Variants in PRH1 observed in about 807,000 individuals in gnomAD.
PRH1 encodes proline rich protein HaeIII subfamily 1, also known as salivary acidic proline-rich phosphoprotein 1/2.
Under a neutral mutation model 7.9 loss-of-function variants are expected in PRH1, and 7 were observed. The ratio of observed to expected loss-of-function variants is 0.89; its 90% CI spans 0.50 to 1.67. The LOEUF (loss-of-function observed/expected upper bound fraction) is 1.67, where lower values mean the gene tolerates loss of function less well. Ranked by LOEUF, PRH1 falls within the 40% of genes most tolerant of loss-of-function variation. The pLI, the probability that PRH1 is intolerant of heterozygous loss-of-function variation, is 0.00. For synonymous variants in PRH1, 45 were observed against 80.8 expected, an observed-to-expected ratio of 0.56 and a Z score of 2.38; for missense variants, 109 against 223.6, an observed-to-expected ratio of 0.49 and a Z score of 3.27.
chr12:11,130,589 G>A (rs1315676705), intron 1 of PRH1, among the ~76,000 whole-genome samples: 1 of 152,244 alleles, frequency 6.6e-6, no homozygotes, highest in African/African-American at 2.4e-5. Context: ...TGTGCCAGAT[G>A]ATCCAGCGGA....
At chr12:10,943,898 C>T (rs1302744989) in intron 2 of PRH1, among the ~76,000 whole-genome samples, 1 of 152,088 alleles carries the variant, frequency 6.6e-6, no homozygotes, top group Non-Finnish European at 1.5e-5. Context: ...GGCCTTATTT[C>T]TGGGATCTCT....
At chr12:11,056,216 C>A (rs73053031) in intron 1 of PRH1, among the ~76,000 whole-genome samples, 6,508 of 91,118 alleles carry the variant, frequency 0.071, no homozygotes, top group Non-Finnish European at 0.1. Flanking sequence ...AAATACTCAG[C>A]AATTTTATAA....
chr12:11,105,759 G>C (rs940088214), intron 1 of PRH1, among the ~76,000 whole-genome samples: 1 of 152,064 alleles, frequency 6.6e-6, no homozygotes, highest in African/African-American at 2.4e-5. Flanking sequence ...ACCTGGTAAA[G>C]GGAGCTTGGA....
At chr12:11,164,396 T>C (rs563494658) in intron 1 of PRH1, among the ~76,000 whole-genome samples, 80 of 152,328 alleles carry the variant, frequency 5.3e-4, no homozygotes, top group African/African-American at 1.9e-3. Context: ...ATCATGGGAC[T>C]TCTCAGCCTC....
chr12:11,108,449 C>T (rs1481214497), intron 1 of PRH1, among the ~76,000 whole-genome samples: 1 of 152,178 alleles, frequency 6.6e-6, no homozygotes, highest in Non-Finnish European at 1.5e-5. Flanking sequence ...GTGATTTCTG[C>T]ATTTCCAACT....
intron 1 of PRH1, among the ~76,000 whole-genome samples, chr12:11,065,809 G>T (rs527693633): frequency 1.3e-5 from 2 of 152,264 alleles, no homozygotes; most frequent in South Asian, 4.1e-4. Flanking sequence ...TAAAATTATG[G>T]TCTACGCATT....
intron 2 of PRH1, among the ~76,000 whole-genome samples, chr12:10,958,999 A>G (rs1294635113): frequency 6.6e-6 from 1 of 152,184 alleles, no homozygotes; most frequent in African/African-American, 2.4e-5. Flanking sequence ...ACTAGAAAGA[A>G]TAATTAGAAA....
At chr12:10,921,058 T>C (rs1042616392) in intron 2 of PRH1, among the ~76,000 whole-genome samples, 2 of 152,090 alleles carry the variant, frequency 1.3e-5, no homozygotes, top group African/African-American at 4.8e-5. Context: ...TAATATATTT[T>C]AAGTATATAT....
chr12:10,966,749 G>T (rs1938517828), intron 2 of PRH1, among the ~76,000 whole-genome samples: 1 of 152,174 alleles, frequency 6.6e-6, no homozygotes, highest in South Asian at 2.1e-4. Context: ...GTCCACCCTT[G>T]TTGTGTCAGG....
intron 1 of PRH1, chr12:11,061,261 T>C: frequency 6.7e-7 from 1 of 1,481,852 alleles, no homozygotes; most frequent in Non-Finnish European, 9.0e-7. Flanking sequence ...TGCTTGAAAG[T>C]TATTCATATA....
Position 10,988,942 on chromosome 12 carries a change from G to T in PRH1, c.-125-15221C>A, listed in dbSNP as rs148817996. Among the ~76,000 whole-genome samples, 599 of 152,172 alleles carry T rather than the reference G, an allele frequency of 3.9e-3. 2 individuals are homozygous for T. Among genetic ancestry groups the T allele is most frequent in the African/African-American group, 0.014 (577 of 41,488 alleles). On this transcript the variant is annotated intron_variant, in intron 1 of 3. Transcript: ENST00000539853. ...CTCCCTCAGCCTTCCAAGTAGCTGG[G>T]ACTACAGGCGCATGCCACCACACCC...
intron 1 of PRH1, among the ~76,000 whole-genome samples, chr12:11,075,360 A>T (rs1161618252): frequency 1.7e-5 from 2 of 120,750 alleles, no homozygotes; most frequent in Admixed American, 8.2e-5. Context: ...AAACAGCTTA[A>T]CCAGTTGCAA....
intron 1 of PRH1, among the ~76,000 whole-genome samples, chr12:11,138,554 C>A (rs1946619987): frequency 6.6e-6 from 1 of 151,932 alleles, no homozygotes; most frequent in Non-Finnish European, 1.5e-5. Context: ...TATGTAATAT[C>A]CATCTTACTA....
chr12:11,128,719 T>C (rs1481904697), intron 1 of PRH1, among the ~76,000 whole-genome samples: 1 of 152,182 alleles, frequency 6.6e-6, no homozygotes, highest in African/African-American at 2.4e-5. Context: ...CACTCTAGCC[T>C]GAGAGACAGA....
chr12:10,891,383 A>T (rs1384485081), intron 2 of PRH1: 5 of 152,308 alleles, frequency 3.3e-5, no homozygotes, highest in South Asian at 4.1e-4. Flanking sequence ...TAAAAGTGTC[A>T]TTTGGAAGTC....
chr12:11,080,849 A>G (rs1331674939), intron 1 of PRH1, among the ~76,000 whole-genome samples: 1,691 of 79,636 alleles, frequency 0.021, 4 homozygotes, highest in Non-Finnish European at 0.03. Flanking sequence ...ATTCCATTGC[A>G]TTCCTGCTTC....
At chr12:11,166,355 C>T (rs1451767) in intron 1 of PRH1, 32,253 of 152,318 alleles carry the variant, frequency 0.21, 4,006 homozygotes, top group Non-Finnish European at 0.27. Context: ...AGCCAGCATG[C>T]AGCCCAGAGC....
chr12:11,140,515 T>C (rs750868128), intron 1 of PRH1, among the ~76,000 whole-genome samples: 1 of 152,170 alleles, frequency 6.6e-6, no homozygotes, highest in Non-Finnish European at 1.5e-5. Flanking sequence ...TTTTAAATTC[T>C]GTGACCAACG....
intron 1 of PRH1, among the ~76,000 whole-genome samples, chr12:11,054,422 A>G (rs1943273136): frequency 6.6e-6 from 1 of 152,190 alleles, no homozygotes; most frequent in Non-Finnish European, 1.5e-5. Flanking sequence ...TTTTAATCTC[A>G]GCTACTGTCA....
Sources: allele counts gnomAD v4.1 joint callset (sites outside exome capture counted in the v4.1 genomes callset), GRCh38; gene constraint gnomAD v4.1.1; transcripts MANE v1.5; gene names NCBI Gene and HGNC (gene_info 2026-07-23, HGNC 2026-07-21).